Variants in CYP39A1 observed in about 807,000 individuals in gnomAD.
CYP39A1 encodes the protein cytochrome P450 family 39 subfamily A member 1, also known as 24-hydroxycholesterol 7-alpha-hydroxylase.
A neutral mutation model predicts 58.1 loss-of-function variants in CYP39A1; 49 were observed. The observed-to-expected ratio is 0.84, with a 90% CI of 0.67 to 1.07. The LOEUF (loss-of-function observed/expected upper bound fraction) is 1.07. CYP39A1 is among the 50% of genes least tolerant of loss of function. CYP39A1 has a pLI of 0.00. For synonymous variants in CYP39A1, 209 were observed against 187.6 expected, an observed-to-expected ratio of 1.11 and a Z score of -0.93; for missense variants, 531 against 539.4, an observed-to-expected ratio of 0.98 and a Z score of 0.16.
intron 10 of CYP39A1, among the ~76,000 whole-genome samples, chr6:46,563,199 T>C (rs1462542682): frequency 6.6e-6 from 1 of 151,940 alleles, no homozygotes; most frequent in African/African-American, 2.4e-5. Context: ...GAAACTGACA[T>C]ATACATACCT....
At chr6:46,619,668 T>C (rs1774836503) in intron 7 of CYP39A1, among the ~76,000 whole-genome samples, 2 of 152,076 alleles carry the variant, frequency 1.3e-5, no homozygotes, top group African/African-American at 4.8e-5. Context: ...AGTAGGTACA[T>C]GTCTCCAAAG....
intron 7 of CYP39A1, among the ~76,000 whole-genome samples, chr6:46,596,804 A>G (rs1459439624): frequency 2.0e-5 from 3 of 152,148 alleles, no homozygotes; most frequent in African/African-American, 7.2e-5. Context: ...AATGGCAGGA[A>G]CTTTCAGTCA....
intron 1 of CYP39A1, among the ~76,000 whole-genome samples, chr6:46,644,841 G>A (rs992817439): frequency 6.6e-6 from 1 of 152,172 alleles, no homozygotes; most frequent in Non-Finnish European, 1.5e-5. Flanking sequence ...CGTTCTGATA[G>A]ATGTGTAGTA....
At chr6:46,551,887 T>C (rs886332959) in intron 11 of CYP39A1, among the ~76,000 whole-genome samples, 8 of 152,186 alleles carry the variant, frequency 5.3e-5, no homozygotes, top group African/African-American at 1.9e-4. Context: ...TAATTGATGT[T>C]TCTCATTCTA....
chr6:46,606,861 C>G (rs1773880422), intron 7 of CYP39A1, among the ~76,000 whole-genome samples: 1 of 152,120 alleles, frequency 6.6e-6, no homozygotes, highest in Admixed American at 6.5e-5. Flanking sequence ...TTGATTCACT[C>G]AATGTAAATT....
chr6:46,609,428 A>G (rs1774072055), intron 7 of CYP39A1, among the ~76,000 whole-genome samples: 1 of 152,004 alleles, frequency 6.6e-6, no homozygotes, highest in South Asian at 2.1e-4. Flanking sequence ...AAAAAAAAAA[A>G]AGAAAAAAAA....
At chr6:46,590,897 T>C (rs1772792786) in intron 8 of CYP39A1, among the ~76,000 whole-genome samples, 1 of 152,172 alleles carries the variant, frequency 6.6e-6, no homozygotes, top group Non-Finnish European at 1.5e-5. Flanking sequence ...AATCTTCCAT[T>C]GGGTACATTA....
intron 10 of CYP39A1, among the ~76,000 whole-genome samples, chr6:46,562,913 G>A (rs1005840544): frequency 1.3e-5 from 2 of 151,632 alleles, no homozygotes; most frequent in African/African-American, 4.8e-5. Context: ...GAATTTGTGT[G>A]GCTTAATATT....
intron 10 of CYP39A1, among the ~76,000 whole-genome samples, chr6:46,565,921 G>GC (rs906450232): frequency 9.9e-5 from 15 of 152,160 alleles, no homozygotes; most frequent in African/African-American, 3.6e-4. Context: ...CTGTATCCTT[G>GC]CCAGTTGACT....
chr6:46,584,751 T>G (rs1332716167), intron 10 of CYP39A1, among the ~76,000 whole-genome samples: 1 of 152,126 alleles, frequency 6.6e-6, no homozygotes, highest in Non-Finnish European at 1.5e-5. Context: ...GCCTCTGTGC[T>G]TAGTAACCCT....
chr6:46,578,021 C>A (rs1159553052), intron 10 of CYP39A1, among the ~76,000 whole-genome samples: 2 of 151,974 alleles, frequency 1.3e-5, no homozygotes, highest in Non-Finnish European at 2.9e-5. Flanking sequence ...TGACCACATG[C>A]TGGGTCATAA....
chr6:46,620,915 AAAC>A (rs1009084765), intron 7 of CYP39A1, among the ~76,000 whole-genome samples: 1 of 152,164 alleles, frequency 6.6e-6, no homozygotes, highest in African/African-American at 2.4e-5. Context: ...ACAATCAAAC[AAAC>A]AACAAGAACA....
At chr6:46,621,894 CA>C (rs915917818) in intron 7 of CYP39A1, among the ~76,000 whole-genome samples, 3 of 151,432 alleles carry the variant, frequency 2.0e-5, no homozygotes, top group African/African-American at 2.4e-5. Flanking sequence ...ATAGATTCTT[CA>C]AAAAAAATAC....
In CYP39A1 at chr6:46,625,490, C is replaced by T. The variant is rs1370313197; in HGVS notation, c.859G>A (p.Ala287Thr). ...ATATCAGGATGAGAAAGGACGTATGCAAGTGTCCAAAATGCAACCTTAAAA... is the reference window on the plus strand; with the variant it reads ...ATATCAGGATGAGAAAGGACGTATGTAAGTGTCCAAAATGCAACCTTAAAA... ...NAVPVAFWTL[A>T]YVLSHPDIHK... is the part of the protein sequence containing the mutation. Residue 287 changes from alanine to threonine, a missense_variant, in exon 7 of 12, where the codon GCA becomes ACA. Transcript: ENST00000275016. 1 of 1,609,040 alleles carries T rather than the reference C, an allele frequency of 6.2e-7. No individual in the cohort carries two copies. Among genetic ancestry groups the T allele is most frequent in the Non-Finnish European group, 8.5e-7 (1 of 1,177,476 alleles).
At chr6:46,575,417 G>A (rs1462124856) in intron 10 of CYP39A1, among the ~76,000 whole-genome samples, 1 of 152,166 alleles carries the variant, frequency 6.6e-6, no homozygotes, top group South Asian at 2.1e-4. Flanking sequence ...CAGGGTCCCT[G>A]CCTGGCTGCA....
At chr6:46,630,127 C>CAAAA (rs1367795314) in intron 6 of CYP39A1, among the ~76,000 whole-genome samples, 11 of 142,976 alleles carry the variant, frequency 7.7e-5, no homozygotes, top group African/African-American at 3.0e-4. Context: ...ACAACAACAA[C>CAAAA]AACAAAAAAA....
intron 7 of CYP39A1, among the ~76,000 whole-genome samples, chr6:46,597,644 C>T (rs1448011059): frequency 6.6e-6 from 1 of 152,024 alleles, no homozygotes; most frequent in African/African-American, 2.4e-5. Context: ...CTGCAGACAA[C>T]ATGAGTACAT....
intron 10 of CYP39A1, among the ~76,000 whole-genome samples, chr6:46,556,619 C>A (rs914876972): frequency 2.0e-5 from 3 of 152,088 alleles, no homozygotes; most frequent in African/African-American, 7.2e-5. Context: ...GCACATGGAC[C>A]ATTAGCTAGA....
At chr6:46,584,884 C>T (rs182371764) in intron 10 of CYP39A1, among the ~76,000 whole-genome samples, 3 of 152,232 alleles carry the variant, frequency 2.0e-5, no homozygotes, top group South Asian at 2.1e-4. Context: ...TGGCATCTCT[C>T]GACCAGAAAT....
Sources: allele counts gnomAD v4.1 joint callset (sites outside exome capture counted in the v4.1 genomes callset), GRCh38; gene constraint gnomAD v4.1.1; transcripts MANE v1.5; gene names NCBI Gene and HGNC (gene_info 2026-07-23, HGNC 2026-07-21).